CTBP2: variants seen among roughly 807,000 people sequenced by gnomAD.
The protein encoded by CTBP2 is C-terminal binding protein 2.
CTBP2 carries 30 observed loss-of-function variants against 80.3 expected under a neutral mutation model. The observed-to-expected ratio is 0.37, with a 90% confidence interval of 0.28 to 0.51. The LOEUF is 0.51. Ranked by LOEUF, CTBP2 falls within the 20% of genes least tolerant of loss-of-function variation. The pLI is 0.93. For missense variants in CTBP2, 1,212 were observed against 1,375.3 expected, an observed-to-expected ratio of 0.88 and a Z score of 1.88; for synonymous variants, 594 against 587.4, an observed-to-expected ratio of 1.01 and a Z score of -0.16.
At chr10:125,147,563 C>T (rs1291897837) in intron 1 of CTBP2, among the ~76,000 whole-genome samples, 1 of 152,160 alleles carries the variant, frequency 6.6e-6, no homozygotes, top group Non-Finnish European at 1.5e-5. Flanking sequence ...CAGCCACTCC[C>T]CTTCCCTACC....
At position 125,003,030 on chromosome 10, in the gene CTBP2, C is replaced by G; in HGVS notation, c.1908G>C (p.Lys636Asn). Residue 636 changes from lysine (K) to asparagine (N), a missense_variant, in exon 3 of 9, where the codon AAG (lysine) becomes AAC (asparagine). Coordinates refer to ENST00000309035, the MANE Select transcript of CTBP2 (RefSeq NM_022802.3). ...CTATCCGCACGATCACTCTCAGGGC[C>G]TTGAACTTCTCCAGGTCCTCCCTGG... 6.2e-7 allele frequency: 1 copy of G among 1,614,100 alleles called. No individual in the cohort carries two copies. The highest frequency in any genetic ancestry group is 8.5e-7 in the Non-Finnish European group (1 of 1,180,026).
At chr10:125,074,418 ATT>A (rs1166247309) in intron 2 of CTBP2, among the ~76,000 whole-genome samples, 1 of 152,130 alleles carries the variant, frequency 6.6e-6, no homozygotes, top group Non-Finnish European at 1.5e-5. Context: ...GCAGTGGTGC[ATT>A]CTCTGCTCAC....
At chr10:125,153,612 A>C (rs1356151644) in intron 1 of CTBP2, among the ~76,000 whole-genome samples, 1 of 152,034 alleles carries the variant, frequency 6.6e-6, no homozygotes, top group Non-Finnish European at 1.5e-5. Context: ...TGCCACACAC[A>C]CACCTGCGGC....
rs1564914576 is a variant in CTBP2, at chr10:125,098,742, GAGAGAGAC to G, written c.-102+12240_-102+12247del. Among the ~76,000 whole-genome samples the G allele has an allele frequency of 8.7e-4, 93 of 106,706 alleles. 3 individuals are homozygous for G. The highest frequency in any genetic ancestry group is 2.6e-3 in the African/African-American group (54 of 20,412). The allele number at this position is 106,706 out of a possible 152,430, so 70.0% of individuals were successfully genotyped here. A position where few individuals can be genotyped will look rare whatever the true frequency, so the allele number is the denominator to read the frequency against. On this transcript the variant is annotated intron_variant, in intron 2 of 10. Transcript: ENST00000337195. ...AGAGAGACAGAGAGAGAGAGAGAGAGAGAGAGACAGAGAGAGAGAGAGAGAGAGAGAGA... is the reference window on the plus strand; with the variant it reads ...AGAGAGACAGAGAGAGAGAGAGAGAGAGAGAGAGAGAGAGAGAGAGAGAGA...
At chr10:125,067,865 GC>G (rs1844882398) in intron 2 of CTBP2, among the ~76,000 whole-genome samples, 1 of 152,326 alleles carries the variant, frequency 6.6e-6, no homozygotes, top group East Asian at 1.9e-4. Flanking sequence ...CACCTCTGAA[GC>G]CGCCAAGTGC....
chr10:124,988,690 A>G lies in CTBP2; in HGVS notation c.*828T>C, dbSNP rs536759124. On this transcript the variant is annotated 3_prime_UTR_variant, in exon 9 of 9. Transcript: ENST00000309035. ...CACGTGAAGAAAAGAAGACTTTATC[A>G]ATGTCTAAAAAAGTGGGTTTGTTCA... The G allele has an allele frequency of 5.9e-5, 9 of 152,622 alleles. No individual in the cohort carries two copies. The highest frequency in any genetic ancestry group is 4.6e-4 in the Admixed American group (7 of 15,274). 9.5% of individuals were successfully genotyped at this position (152,622 alleles called of 1,614,324 possible). A position where few individuals can be genotyped will look rare whatever the true frequency, so the allele number is the denominator to read the frequency against.
intron 2 of CTBP2, among the ~76,000 whole-genome samples, chr10:125,086,173 GGCCTTTGA>G (rs1190875898): frequency 6.6e-6 from 1 of 152,178 alleles, no homozygotes. Context: ...TAGAGGGTGA[GGCCTTTGA>G]GTGGTAATTA....
At chr10:125,022,094 C>T (rs923820253) in intron 1 of CTBP2, among the ~76,000 whole-genome samples, 3 of 152,256 alleles carry the variant, frequency 2.0e-5, no homozygotes, top group East Asian at 1.9e-4. Context: ...CGACAGCTCA[C>T]GCACACACTT....
At chr10:125,113,905 T>C (rs571260149) in intron 1 of CTBP2, among the ~76,000 whole-genome samples, 14 of 152,184 alleles carry the variant, frequency 9.2e-5, no homozygotes, top group African/African-American at 3.4e-4. Flanking sequence ...GGAATAAGAA[T>C]GTTAAAAGGC....
intron 1 of CTBP2, among the ~76,000 whole-genome samples, chr10:125,128,340 T>C (rs761294817): frequency 1.3e-5 from 2 of 152,176 alleles, no homozygotes; most frequent in Non-Finnish European, 2.9e-5. Context: ...CATTCTTGAC[T>C]TACTAGCCTG....
At chr10:125,056,872 G>A (rs370583323) in intron 2 of CTBP2, among the ~76,000 whole-genome samples, 1 of 152,232 alleles carries the variant, frequency 6.6e-6, no homozygotes, top group East Asian at 1.9e-4. Flanking sequence ...TGCTTGATGA[G>A]CTGTGTGATC....
In CTBP2 at chr10:125,027,208, T is replaced by C. The variant is rs1480803184; in HGVS notation, c.552A>G (p.Ala184=). 6.2e-7 allele frequency: 1 copy of C among 1,610,940 alleles called. No individual in the cohort carries two copies. Among genetic ancestry groups the C allele is most frequent in the Non-Finnish European group, 8.5e-7 (1 of 1,177,890 alleles). Residue 184 remains alanine, a synonymous_variant, in exon 1 of 9, where the codon GCA becomes GCG. Coordinates refer to ENST00000309035, the MANE Select transcript of CTBP2 (RefSeq NM_022802.3). ...GCTCCCGTCCATACCGCCCGGGAGA[T>C]GCAGCCCTGCTCTGTGTCTGCCGCC...
At chr10:125,133,971 T>C (rs1393837765) in intron 1 of CTBP2, among the ~76,000 whole-genome samples, 1 of 151,902 alleles carries the variant, frequency 6.6e-6, no homozygotes, top group Non-Finnish European at 1.5e-5. Context: ...ATAAAATGTG[T>C]CCAAAAAGAA....
chr10:125,103,046 G>A (rs868777352), intron 2 of CTBP2, among the ~76,000 whole-genome samples: 1 of 152,184 alleles, frequency 6.6e-6, no homozygotes, highest in African/African-American at 2.4e-5. Context: ...AAGGAGAGGC[G>A]GGGGCATGAC....
intron 1 of CTBP2, among the ~76,000 whole-genome samples, chr10:125,130,232 C>T (rs1172023244): frequency 6.6e-6 from 1 of 151,938 alleles, no homozygotes; most frequent in African/African-American, 2.4e-5. Context: ...ATTTTTAGTA[C>T]AGATGGGGTT....
At chr10:125,151,567 C>T (rs111805024) in intron 1 of CTBP2, among the ~76,000 whole-genome samples, 1 of 152,256 alleles carries the variant, frequency 6.6e-6, no homozygotes, top group Admixed American at 6.5e-5. Flanking sequence ...TTACCGTTTG[C>T]TTGCAACTCA....
At chr10:125,072,634 G>GA (rs55742060) in intron 2 of CTBP2, among the ~76,000 whole-genome samples, 3,681 of 99,980 alleles carry the variant, frequency 0.037, 104 homozygotes, top group African/African-American at 0.096. Flanking sequence ...AAAAAGAAAA[G>GA]AAAAAAAAAA....
At chr10:125,054,949 C>G (rs1453913500) in intron 2 of CTBP2, among the ~76,000 whole-genome samples, 1 of 152,140 alleles carries the variant, frequency 6.6e-6, no homozygotes, top group Non-Finnish European at 1.5e-5. Flanking sequence ...GTTCACTTAC[C>G]CCAGATGCTT....
At chr10:125,151,882 A>G (rs1859975068) in intron 1 of CTBP2, among the ~76,000 whole-genome samples, 1 of 152,128 alleles carries the variant, frequency 6.6e-6, no homozygotes, top group African/African-American at 2.4e-5. Context: ...CCCAGCACAA[A>G]GGCCAGCGGG....
Sources: gnomAD v4.1 joint callset for allele counts (sites outside exome capture counted in the v4.1 genomes callset) on GRCh38, gnomAD v4.1.1 for gene constraint, MANE v1.5 for transcripts, NCBI Gene and HGNC (gene_info 2026-07-23, HGNC 2026-07-21) for gene names.